The following TMEM178B variants were observed in gnomAD, a reference collection of about 807,000 sequenced individuals.
TMEM178B encodes the protein transmembrane protein 178B.
A neutral mutation model predicts 31.0 loss-of-function variants in TMEM178B; 5 were observed. That is an observed-to-expected ratio of 0.16 (90% CI 0.08 to 0.34). The LOEUF (loss-of-function observed/expected upper bound fraction) is 0.34. Ranked by LOEUF, TMEM178B falls within the 10% of genes least tolerant of loss-of-function variation. The pLI is 1.00. For synonymous variants in TMEM178B, 164 were observed against 164.0 expected, an observed-to-expected ratio of 1.00 and a Z score of 0.00; for missense variants, 275 against 400.3, an observed-to-expected ratio of 0.69 and a Z score of 2.67.
chr7:141,377,467 C>T (rs1172762121), intron 2 of TMEM178B, among the ~76,000 whole-genome samples: 4 of 151,704 alleles, frequency 2.6e-5, no homozygotes, highest in South Asian at 4.2e-4. Context: ...GAAATCACTT[C>T]GTGACCAGCC....
At chr7:141,168,605 C>G (rs1207626076) in intron 1 of TMEM178B, among the ~76,000 whole-genome samples, 1 of 152,006 alleles carries the variant, frequency 6.6e-6, no homozygotes, top group African/African-American at 2.4e-5. Context: ...AATCCCATCT[C>G]TACTAAAAAT....
intron 2 of TMEM178B, among the ~76,000 whole-genome samples, chr7:141,333,210 G>A (rs60596990): frequency 0.096 from 14,594 of 152,190 alleles, 1,522 homozygotes; most frequent in African/African-American, 0.26. Context: ...GCTTGATCAC[G>A]CGTTAGTTGG....
At chr7:141,152,932 A>G (rs1479149700) in intron 1 of TMEM178B, among the ~76,000 whole-genome samples, 1 of 152,250 alleles carries the variant, frequency 6.6e-6, no homozygotes, top group Non-Finnish European at 1.5e-5. Flanking sequence ...ATTTAATTCT[A>G]GGAGATAGTA....
intron 2 of TMEM178B, among the ~76,000 whole-genome samples, chr7:141,230,916 G>T (rs2129191528): frequency 6.6e-6 from 1 of 152,256 alleles, no homozygotes; most frequent in African/African-American, 2.4e-5. Context: ...TGCCCAGGCT[G>T]GTCTCAAATT....
Position 141,470,627 on chromosome 7 carries a change from T to A in TMEM178B, c.726T>A (p.Asp242Glu). 6.5e-7 allele frequency: 1 copy of A among 1,535,578 alleles called. No homozygotes were observed. Residue 242 changes from aspartate to glutamate, a missense_variant, in exon 4 of 4, where the codon GAT becomes GAA. Asp to Glu is a conservative substitution (Grantham distance 45). Coordinates refer to ENST00000565468, the MANE Select transcript of TMEM178B (RefSeq NM_001195278.2). ...RYPRYLYGLP[D>E]DISHGYGWSM... ...CACGCTACCTGTACGGACTCCCTGA[T>A]GACATCAGCCATGGCTATGGCTGGT... is the stretch of plus-strand genomic sequence containing the variant.
At chr7:141,138,787 C>T (rs1316683571) in intron 1 of TMEM178B, among the ~76,000 whole-genome samples, 1 of 151,592 alleles carries the variant, frequency 6.6e-6, no homozygotes, top group East Asian at 1.9e-4. Flanking sequence ...CCGAGACCAT[C>T]CTGGCTAACA....
At chr7:141,134,317 G>A (rs1481662109) in intron 1 of TMEM178B, among the ~76,000 whole-genome samples, 1 of 152,014 alleles carries the variant, frequency 6.6e-6, no homozygotes, top group South Asian at 2.1e-4. Flanking sequence ...AAAAAGAAAA[G>A]CCATCAGCTA....
At chr7:141,215,467 A>G (rs1452308655) in intron 2 of TMEM178B, among the ~76,000 whole-genome samples, 8 of 152,030 alleles carry the variant, frequency 5.3e-5, no homozygotes, top group Non-Finnish European at 2.9e-5. Flanking sequence ...CTGGGACTAC[A>G]GGCGTGTGCC....
chr7:141,254,132 T>C (rs1410654324), intron 2 of TMEM178B, among the ~76,000 whole-genome samples: 1 of 152,180 alleles, frequency 6.6e-6, no homozygotes, highest in Non-Finnish European at 1.5e-5. Context: ...AGGAAGGACA[T>C]TTATTTGAAT....
chr7:141,204,343 C>T (rs193029307), intron 1 of TMEM178B, among the ~76,000 whole-genome samples: 11 of 152,320 alleles, frequency 7.2e-5, no homozygotes, highest in African/African-American at 2.6e-4. Flanking sequence ...TCTCCATCTG[C>T]CACCCCTGTC....
chr7:141,193,197 C>T (rs1004585059), intron 1 of TMEM178B, among the ~76,000 whole-genome samples: 1 of 152,216 alleles, frequency 6.6e-6, no homozygotes, highest in African/African-American at 2.4e-5. Context: ...CTTTTGGGAT[C>T]CTGAGTTCCC....
intron 2 of TMEM178B, among the ~76,000 whole-genome samples, chr7:141,373,291 A>C (rs1320474449): frequency 6.6e-6 from 1 of 152,208 alleles, no homozygotes; most frequent in Non-Finnish European, 1.5e-5. Flanking sequence ...GATGAGATGA[A>C]GTCTATGAGA....
At chr7:141,363,326 C>T (rs1334062835) in intron 2 of TMEM178B, among the ~76,000 whole-genome samples, 2 of 152,210 alleles carry the variant, frequency 1.3e-5, no homozygotes, top group Non-Finnish European at 2.9e-5. Flanking sequence ...TCACTTTCTT[C>T]CCTGAGTCTA....
chr7:141,103,251 G>T (rs1278719347), intron 1 of TMEM178B, among the ~76,000 whole-genome samples: 1 of 152,206 alleles, frequency 6.6e-6, no homozygotes, highest in African/African-American at 2.4e-5. Flanking sequence ...CACAATTGTG[G>T]TTGTAGATCA....
At position 141,326,090 on chromosome 7, in the gene TMEM178B, A is replaced by G. The variant is rs117311373; in HGVS notation, c.497-111518A>G. Among the ~76,000 whole-genome samples, 18 of 152,328 alleles carry G rather than the reference A, an allele frequency of 1.2e-4. No homozygotes were observed. The East Asian group carries it at 3.3e-3, about 28-fold the overall frequency. On this transcript the variant is annotated intron_variant, in intron 2 of 3. Coordinates refer to ENST00000565468, the MANE Select transcript of TMEM178B (RefSeq NM_001195278.2). ...TAATATTCAGACATTTTAAAATTCA[A>G]TGAATATTTATTGTCTACCATGCAT...
At chr7:141,222,257 TG>T (rs1353119046) in intron 2 of TMEM178B, among the ~76,000 whole-genome samples, 54 of 152,312 alleles carry the variant, frequency 3.5e-4, no homozygotes, top group African/African-American at 1.3e-3. Flanking sequence ...GTATTGTGTG[TG>T]TTAGCTAAGG....
At chr7:141,162,265 C>T (rs1200986300) in intron 1 of TMEM178B, among the ~76,000 whole-genome samples, 1 of 152,228 alleles carries the variant, frequency 6.6e-6, no homozygotes, top group Non-Finnish European at 1.5e-5. Flanking sequence ...AGCCACTTGC[C>T]TCTCACCTTG....
chr7:141,261,240 G>A (rs916870598), intron 2 of TMEM178B, among the ~76,000 whole-genome samples: 1 of 152,054 alleles, frequency 6.6e-6, no homozygotes, highest in Admixed American at 6.6e-5. Context: ...GAAGAGGGCA[G>A]TGCGCTCTCT....
Position 141,074,128 on chromosome 7 carries a change from C to T in TMEM178B, c.-183C>T. ...TCCGGATCAGAACTTTTTAGGCCGC[C>T]CGCCCCCATCCCCGCAGTCCCCGGG... On this transcript the variant is annotated 5_prime_UTR_variant, in exon 1 of 4. Transcript: ENST00000565468. This position sits in a 1 kb window ranked among gnomAD's most constrained non-coding sequence, Gnocchi z 5.1. 2.3e-6 allele frequency: 2 copies of T among 866,990 alleles called. No homozygotes were observed. The highest frequency in any genetic ancestry group is 3.2e-6 in the Non-Finnish European group (2 of 624,132). The allele number at this position is 866,990 out of a possible 1,614,324, so 53.7% of individuals were successfully genotyped here. A position where few individuals can be genotyped will look rare whatever the true frequency, so the allele number is the denominator to read the frequency against.
Sources: allele counts gnomAD v4.1 joint callset (sites outside exome capture counted in the v4.1 genomes callset), GRCh38; gene constraint gnomAD v4.1.1; non-coding constraint Gnocchi (gnomAD v3.1); transcripts MANE v1.5; gene names NCBI Gene and HGNC (gene_info 2026-07-23, HGNC 2026-07-21).